PTPN4: variants seen among roughly 807,000 people sequenced by gnomAD.
The protein encoded by PTPN4 is tyrosine-protein phosphatase non-receptor type 4.
A neutral mutation model predicts 135.5 loss-of-function variants in PTPN4; 49 were observed. That is an observed-to-expected ratio of 0.36 (90% CI 0.29 to 0.46). PTPN4 has a LOEUF of 0.46. PTPN4 is among the 20% of genes least tolerant of loss of function. The probability of loss-of-function intolerance (pLI) is 1.00; values close to 1 mark genes in which losing one functional copy is unlikely to be tolerated. For missense variants in PTPN4, 860 were observed against 1,101.0 expected (o/e 0.78, Z 3.10); for synonymous variants, 333 against 369.9 (o/e 0.90, Z 1.14).
Position 119,900,790 on chromosome 2 carries a change from A to T in PTPN4, c.748A>T (p.Met250Leu). 6.4e-7 allele frequency: 1 copy of T among 1,563,360 alleles called. No homozygotes were observed. Among genetic ancestry groups the T allele is most frequent in the Non-Finnish European group, 8.7e-7 (1 of 1,148,220 alleles). ...TCTGATTTATAAGAACAGGGTACGA[A>T]TGAATACCTTTCCATGGTAAGAACA... ...GILIYKNRVRMNTFPWLKIVK... is the reference protein window; with the variant it reads ...GILIYKNRVRLNTFPWLKIVK... The change falls in exon 10 of 27, where the codon ATG becomes TTG. Residue 250 changes from methionine to leucine, a missense_variant. Transcript: ENST00000263708.
chr2:119,784,227 C>A (rs1033460845), intron 1 of PTPN4, among the ~76,000 whole-genome samples: 5 of 151,642 alleles, frequency 3.3e-5, no homozygotes, highest in African/African-American at 1.2e-4. Flanking sequence ...CAAGCTTCTT[C>A]CCCCACCCCT....
intron 1 of PTPN4, among the ~76,000 whole-genome samples, chr2:119,772,464 T>C (rs1365957111): frequency 6.6e-6 from 1 of 152,256 alleles, no homozygotes; most frequent in African/African-American, 2.4e-5. Context: ...ACTTGACTTA[T>C]ACTGAGGTGA....
intron 9 of PTPN4, among the ~76,000 whole-genome samples, chr2:119,887,086 T>G (rs1444310792): frequency 6.6e-6 from 1 of 152,200 alleles, no homozygotes; most frequent in Non-Finnish European, 1.5e-5. Context: ...TTGAACATGA[T>G]TCTTAAAAAT....
At chr2:119,880,009 A>G (rs1305306164) in intron 5 of PTPN4, 1 of 117,722 alleles carries the variant, frequency 8.5e-6, no homozygotes, top group East Asian at 3.0e-4. Flanking sequence ...ATATTCCTTT[A>G]ATTTTGAAAT....
At chr2:119,945,471 G>A (rs1479141331) in intron 16 of PTPN4, among the ~76,000 whole-genome samples, 1 of 152,068 alleles carries the variant, frequency 6.6e-6, no homozygotes, top group Non-Finnish European at 1.5e-5. Flanking sequence ...GTGGGGTTAA[G>A]GGAAGATTCC....
chr2:119,859,399 G>A lies in PTPN4; in HGVS notation c.139-3137G>A, dbSNP rs183605841. On this transcript the variant is annotated intron_variant, in intron 2 of 26. Transcript: ENST00000263708. ...GGCTTTGTAGTAGGGAGTCACCTTG[G>A]TAGCATACAGGTCTTGGCTTACTTT... 1.1e-4 allele frequency among the ~76,000 whole-genome samples: 17 copies of A among 152,294 alleles called. No individual in the cohort carries two copies. The East Asian group carries it at 3.1e-3, about 28-fold the overall frequency.
intron 1 of PTPN4, among the ~76,000 whole-genome samples, chr2:119,789,091 CTTT>C (rs547900319): frequency 7.0e-6 from 1 of 142,676 alleles, no homozygotes; most frequent in Non-Finnish European, 1.5e-5. Context: ...TTTCTTTTTT[CTTT>C]TTTTTTTTTT....
intron 5 of PTPN4, among the ~76,000 whole-genome samples, chr2:119,880,493 G>C (rs184785856): frequency 5.3e-5 from 8 of 151,288 alleles, no homozygotes; most frequent in Non-Finnish European, 7.4e-5. Context: ...GCAGTGGCGC[G>C]ATCTCGGCTC....
intron 2 of PTPN4, among the ~76,000 whole-genome samples, chr2:119,849,006 A>T (rs1352052676): frequency 1.3e-5 from 2 of 152,154 alleles, no homozygotes; most frequent in East Asian, 3.8e-4. Flanking sequence ...AGCCCCTTAA[A>T]TATATTTTTC....
At chr2:119,836,266 T>C (rs1190190093) in intron 2 of PTPN4, among the ~76,000 whole-genome samples, 2 of 152,192 alleles carry the variant, frequency 1.3e-5, no homozygotes, top group African/African-American at 2.4e-5. Context: ...GATTTGGCCT[T>C]CTTAGACTTT....
rs542087246 is a variant in PTPN4, at chr2:119,945,860, TAC to T, written c.1516-478_1516-477del. On this transcript the variant is annotated intron_variant, in intron 16 of 26. Coordinates refer to ENST00000263708, the MANE Select transcript of PTPN4 (RefSeq NM_002830.4). ...TAAAATTAGATAATAGTGATGTTTG[TAC>T]ACCTCTGTGACAAGAGTAAAAATTA... Among the ~76,000 whole-genome samples, 136 of 152,286 alleles carry T rather than the reference TAC, an allele frequency of 8.9e-4. 1 individual carries two copies. The highest frequency in any genetic ancestry group is 2.6e-3 in the African/African-American group (109 of 41,570).
chr2:119,934,673 G>A (rs1253464873), intron 14 of PTPN4, 127 bp from the exon 15 acceptor site: 5 of 873,964 alleles, frequency 5.7e-6, no homozygotes, highest in Non-Finnish European at 8.9e-6. Flanking sequence ...CTTTTTCAGA[G>A]ATTGCTTAGT....
rs916938802 is a variant in PTPN4, at chr2:119,983,307, G to A, written c.*6237G>A. On this transcript the variant is annotated 3_prime_UTR_variant, in exon 27 of 27. Coordinates refer to ENST00000263708, the MANE Select transcript of PTPN4 (RefSeq NM_002830.4). Reference sequence around the variant, plus strand: ...CGCTCACACCCTTAGACCCAAACAGGTGCTGGTTCATGCTTTCTCCACAAA... The same window carrying A: ...CGCTCACACCCTTAGACCCAAACAGATGCTGGTTCATGCTTTCTCCACAAA... 6.6e-6 allele frequency: 1 copy of A among 152,192 alleles called. No individual in the cohort carries two copies. Among genetic ancestry groups the A allele is most frequent in the African/African-American group, 2.4e-5 (1 of 41,456 alleles). 9.4% of individuals were successfully genotyped at this position (152,192 alleles called of 1,614,324 possible).
rs565259935 is a variant in PTPN4, at chr2:119,817,706, T to C, written c.138+7715T>C. 4.6e-4 allele frequency among the ~76,000 whole-genome samples: 70 copies of C among 152,190 alleles called. 1 individual carries two copies. The highest frequency in any genetic ancestry group is 3.8e-4 in the Non-Finnish European group (26 of 68,034). On this transcript the variant is annotated intron_variant, in intron 2 of 26. Transcript: ENST00000263708. ...GTTTTCTCTAGTTCTTTGAAGAATG[T>C]CAATGGTAGTTTAATAGAGATAGCA...
intron 1 of PTPN4, among the ~76,000 whole-genome samples, chr2:119,786,461 T>C (rs1375702652): frequency 6.6e-6 from 1 of 152,180 alleles, no homozygotes; most frequent in Non-Finnish European, 1.5e-5. Flanking sequence ...CTCTTTTCAT[T>C]GCAGTCAGCT....
intron 15 of PTPN4, among the ~76,000 whole-genome samples, chr2:119,937,715 A>G (rs1679003785): frequency 6.6e-6 from 1 of 152,188 alleles, no homozygotes; most frequent in African/African-American, 2.4e-5. Context: ...CTCTGCTACC[A>G]GCATAGTACA....
intron 2 of PTPN4, among the ~76,000 whole-genome samples, chr2:119,855,552 G>A (rs1451220762): frequency 2.0e-5 from 3 of 152,136 alleles, no homozygotes; most frequent in Non-Finnish European, 4.4e-5. Context: ...TCCGTCTTTA[G>A]GATAGTCATT....
chr2:119,870,408 C>T (rs899291395), intron 3 of PTPN4, among the ~76,000 whole-genome samples: 4 of 152,088 alleles, frequency 2.6e-5, no homozygotes, highest in Admixed American at 2.6e-4. Flanking sequence ...AAGATGTCAG[C>T]ACTATTTCAG....
chr2:119,967,680 G>C (rs569283992), intron 25 of PTPN4, among the ~76,000 whole-genome samples, 157 bp from the exon 26 acceptor site: 10 of 151,980 alleles, frequency 6.6e-5, no homozygotes, highest in South Asian at 4.1e-4. Context: ...TTTTTTTTCT[G>C]TTTTCAAAAT....
Sources: allele counts gnomAD v4.1 joint callset (sites outside exome capture counted in the v4.1 genomes callset), GRCh38; gene constraint gnomAD v4.1.1; transcripts MANE v1.5; gene names NCBI Gene and HGNC (gene_info 2026-07-23, HGNC 2026-07-21).